ITPR1: variants seen among roughly 807,000 people sequenced by gnomAD.
ITPR1 encodes inositol 1,4,5-trisphosphate receptor type 1, also known as inositol 1,4,5-trisphosphate-gated calcium channel ITPR1.
Under a neutral mutation model 318.4 loss-of-function variants are expected in ITPR1, and 96 were observed. The observed-to-expected ratio is 0.30, with a 90% CI of 0.26 to 0.36. The LOEUF is 0.36. Among genes scored for constraint, ITPR1 ranks in the 10% least tolerant of loss-of-function variants. The pLI, the probability that ITPR1 is intolerant of heterozygous loss-of-function variation, is 1.00. For synonymous variants in ITPR1, 1,312 were observed against 1,289.9 expected (o/e 1.02, Z -0.37); for missense variants, 2,440 against 3,460.2 (o/e 0.71, Z 7.40).
intron 34 of ITPR1, among the ~76,000 whole-genome samples, chr3:4,698,633 A>G (rs1345875542): frequency 6.6e-6 from 1 of 152,204 alleles, no homozygotes; most frequent in Non-Finnish European, 1.5e-5. Flanking sequence ...ATTTATAAAG[A>G]TAATTACTGG....
chr3:4,546,102 G>A lies in ITPR1; in HGVS notation c.163+25008G>A, dbSNP rs79120449. On this transcript the variant is annotated intron_variant, in intron 4 of 61. Transcript: ENST00000649015. ...TAAAGGAGATATGCAATGCTCTTGA[G>A]ACAACGTCAGGTACATTTTAAGCGT... 6.0e-3 allele frequency among the ~76,000 whole-genome samples: 918 copies of A among 152,246 alleles called. 15 individuals are homozygous for A. The highest frequency in any genetic ancestry group is 0.021 in the African/African-American group (867 of 41,538).
intron 20 of ITPR1, among the ~76,000 whole-genome samples, 194 bp from the exon 21 acceptor site, chr3:4,672,942 A>AGCT (rs1371447124): frequency 6.6e-6 from 1 of 152,182 alleles, no homozygotes; most frequent in Non-Finnish European, 1.5e-5. Context: ...TCTACTGCAC[A>AGCT]GCTTGAATAG....
intron 44 of ITPR1, among the ~76,000 whole-genome samples, chr3:4,756,654 T>A (rs1377484388): frequency 6.6e-6 from 1 of 152,174 alleles, no homozygotes; most frequent in East Asian, 1.9e-4. Context: ...CCACAAAAGA[T>A]ATGATCTCGT....
chr3:4,814,383 C>T (rs1447307857), intron 57 of ITPR1, 40 bp from the exon 58 acceptor site: 4 of 1,611,248 alleles, frequency 2.5e-6, no homozygotes, highest in Middle Eastern at 1.7e-4. Flanking sequence ...TCTCTTTTCT[C>T]CTCACGTTTT....
chr3:4,785,276 G>T (rs537266788), intron 51 of ITPR1, among the ~76,000 whole-genome samples: 1 of 150,236 alleles, frequency 6.7e-6, no homozygotes, highest in Non-Finnish European at 1.5e-5. Flanking sequence ...CTGAGCCTGT[G>T]GGTCCGTTTG....
At chr3:4,610,972 CCCCTCCTTCTCCTTCTCCTTCT>C (rs2092054192) in intron 4 of ITPR1, among the ~76,000 whole-genome samples, 1 of 103,482 alleles carries the variant, frequency 9.7e-6, no homozygotes, top group African/African-American at 3.9e-5. Flanking sequence ...TTCCCCCTTC[CCCCTCCTTCTCCTTCTCCTTCT>C]CCTTCCCTTC....
chr3:4,539,578 C>T (rs762521361), intron 4 of ITPR1, among the ~76,000 whole-genome samples: 12 of 152,088 alleles, frequency 7.9e-5, no homozygotes, highest in South Asian at 2.1e-4. Context: ...GAACTGTATA[C>T]GGTGCTATGG....
chr3:4,575,847 C>G (rs2088588985), intron 4 of ITPR1, among the ~76,000 whole-genome samples: 1 of 151,782 alleles, frequency 6.6e-6, no homozygotes, highest in African/African-American at 2.4e-5. Context: ...ATAGTGAGAC[C>G]TCATCTCTAC....
At chr3:4,591,661 T>C (rs1217534984) in intron 4 of ITPR1, among the ~76,000 whole-genome samples, 1 of 152,302 alleles carries the variant, frequency 6.6e-6, no homozygotes, top group African/African-American at 2.4e-5. Context: ...CTTGAATTGG[T>C]TTTGCTTTTT....
chr3:4,530,791 A>G (rs1226937620), intron 4 of ITPR1, among the ~76,000 whole-genome samples: 2 of 151,670 alleles, frequency 1.3e-5, no homozygotes, highest in African/African-American at 2.4e-5. Context: ...AACAACAACA[A>G]CAACCCCTAA....
At chr3:4,842,783 G>C (rs1242460298) in intron 61 of ITPR1, among the ~76,000 whole-genome samples, 1 of 152,104 alleles carries the variant, frequency 6.6e-6, no homozygotes, top group Admixed American at 6.6e-5. Context: ...TTTTGTTTCA[G>C]ATGTCCAGAG....
chr3:4,738,288 T>A (rs562890172), intron 44 of ITPR1, among the ~76,000 whole-genome samples: 3 of 152,236 alleles, frequency 2.0e-5, no homozygotes, highest in Admixed American at 1.3e-4. Context: ...ACCTATGTTA[T>A]ATGTCAATCA....
Position 4,766,310 on chromosome 3 carries a change from G to C in ITPR1, c.5545-220G>C, listed in dbSNP as rs112143759. 0.022 allele frequency among the ~76,000 whole-genome samples: 3,287 copies of C among 152,288 alleles called. 51 individuals are homozygous for C. The highest frequency in any genetic ancestry group is 0.063 in the South Asian group (302 of 4,820). ...TGCTCCCAAAGCCTATGTGTCTGTTGCAGCCACAGCAATTTGTTTCAAAGG... is the reference window on the plus strand; with the variant it reads ...TGCTCCCAAAGCCTATGTGTCTGTTCCAGCCACAGCAATTTGTTTCAAAGG... On this transcript the variant is annotated intron_variant, in intron 44 of 61. Transcript: ENST00000649015.
chr3:4,665,604 T>C (rs535903476), intron 17 of ITPR1, among the ~76,000 whole-genome samples: 2 of 152,324 alleles, frequency 1.3e-5, no homozygotes, highest in East Asian at 3.9e-4. Context: ...AATGATGCCA[T>C]GTGTTTATAT....
intron 16 of ITPR1, 41 bp from the exon 17 acceptor site, chr3:4,665,097 C>G: frequency 6.2e-7 from 1 of 1,609,886 alleles, no homozygotes; most frequent in South Asian, 1.1e-5. Flanking sequence ...GCTTTGAAGC[C>G]CTAAGTGATT....
chr3:4,611,692 G>A (rs1488590054), intron 4 of ITPR1, among the ~76,000 whole-genome samples: 2 of 152,116 alleles, frequency 1.3e-5, no homozygotes, highest in Admixed American at 6.5e-5. Context: ...GCTGCAGTGA[G>A]CTGAGATCAT....
chr3:4,683,811 C>T lies in ITPR1; in HGVS notation c.3498+13C>T. 1 of 1,609,924 alleles carries T rather than the reference C, an allele frequency of 6.2e-7. No homozygotes were observed. On this transcript the variant is annotated intron_variant, in intron 28 of 61. Transcript: ENST00000649015. ...TAAGAAAACGGAGGTGAGTGAAACA[C>T]AAGTTATGCTGCCAAAGTGGATGGA...
chr3:4,612,282 G>A (rs1243676098), intron 4 of ITPR1, among the ~76,000 whole-genome samples: 1 of 151,682 alleles, frequency 6.6e-6, no homozygotes, highest in African/African-American at 2.4e-5. Context: ...GGCTGGTCTC[G>A]AGCTCCTGAC....
chr3:4,591,385 A>G (rs1029075639), intron 4 of ITPR1, among the ~76,000 whole-genome samples: 3 of 152,182 alleles, frequency 2.0e-5, no homozygotes, highest in African/African-American at 7.2e-5. Context: ...CGTTGCCAGC[A>G]TCTGTTGTTT....
Sources: gnomAD v4.1 joint callset for allele counts (sites outside exome capture counted in the v4.1 genomes callset) on GRCh38, gnomAD v4.1.1 for gene constraint, MANE v1.5 for transcripts, NCBI Gene and HGNC (gene_info 2026-07-23, HGNC 2026-07-21) for gene names.